UBL3: variants seen among roughly 807,000 people sequenced by gnomAD.
The protein encoded by UBL3 is ubiquitin like 3.
UBL3 carries 6 observed loss-of-function variants against 18.4 expected under a neutral mutation model. That is an observed-to-expected ratio of 0.33 (90% CI 0.18 to 0.64). The LOEUF (loss-of-function observed/expected upper bound fraction) is 0.64, where lower values mean the gene tolerates loss of function less well. Ranked by LOEUF, UBL3 falls within the 30% of genes least tolerant of loss-of-function variation. The pLI, the probability that UBL3 is intolerant of heterozygous loss-of-function variation, is 0.76. For missense variants in UBL3, 109 were observed against 142.9 expected (o/e 0.76, Z 1.21); for synonymous variants, 49 against 46.6 (o/e 1.05, Z -0.21).
At chr13:29,767,749 A>G (rs1246301746) in intron 3 of UBL3, 54 bp from the exon 4 acceptor site, 10 of 1,491,586 alleles carry the variant, frequency 6.7e-6, no homozygotes, top group Non-Finnish European at 9.2e-6. Flanking sequence ...TATTAAAATC[A>G]CTATCCAGAT....
intron 1 of UBL3, among the ~76,000 whole-genome samples, chr13:29,839,090 C>T (rs1266336880): frequency 6.6e-6 from 1 of 152,128 alleles, no homozygotes; most frequent in Admixed American, 6.6e-5. Flanking sequence ...ACAGACAAAT[C>T]CTCACATATT....
chr13:29,810,970 C>T (rs1376774349), intron 1 of UBL3, among the ~76,000 whole-genome samples: 4 of 152,030 alleles, frequency 2.6e-5, no homozygotes, highest in Admixed American at 2.0e-4. Flanking sequence ...TATGTATAGA[C>T]CCTTGACATC....
intron 1 of UBL3, among the ~76,000 whole-genome samples, chr13:29,799,539 G>T (rs1190756615): frequency 6.6e-6 from 1 of 152,094 alleles, no homozygotes; most frequent in Non-Finnish European, 1.5e-5. Context: ...TATTTTCTTT[G>T]CTCCCATACA....
chr13:29,783,441 G>A (rs17073884), intron 1 of UBL3, among the ~76,000 whole-genome samples: 6,294 of 152,230 alleles, frequency 0.041, 433 homozygotes, highest in African/African-American at 0.14. Context: ...CAGTATGCTT[G>A]TCAAGTATAC....
At chr13:29,781,037 T>C (rs961366217) in intron 1 of UBL3, among the ~76,000 whole-genome samples, 4 of 151,984 alleles carry the variant, frequency 2.6e-5, no homozygotes, top group Non-Finnish European at 4.4e-5. Context: ...TAGCAGAGCA[T>C]GGTGATGCGC....
intron 1 of UBL3, among the ~76,000 whole-genome samples, chr13:29,836,692 A>C (rs1479748643): frequency 1.3e-5 from 2 of 152,056 alleles, no homozygotes; most frequent in Non-Finnish European, 2.9e-5. Context: ...TGGGCTGGGA[A>C]GACACAAAAA....
At chr13:29,784,837 A>G (rs1199542612) in intron 1 of UBL3, among the ~76,000 whole-genome samples, 1 of 17,384 alleles carries the variant, frequency 5.8e-5, no homozygotes, top group Non-Finnish European at 1.7e-4. Context: ...ACATACACAC[A>G]TGCACACACA....
At chr13:29,805,465 T>C (rs1877876969) in intron 1 of UBL3, among the ~76,000 whole-genome samples, 1 of 152,236 alleles carries the variant, frequency 6.6e-6, no homozygotes, top group Non-Finnish European at 1.5e-5. Context: ...TCCTCTGGGA[T>C]GAAAGCATGG....
intron 1 of UBL3, among the ~76,000 whole-genome samples, chr13:29,825,663 C>CT (rs1171306418): frequency 1.3e-5 from 2 of 152,296 alleles, no homozygotes; most frequent in East Asian, 1.9e-4. Context: ...GACAATTTAA[C>CT]TTCTTTTCCT....
At chr13:29,769,396 A>C (rs954908680) in intron 3 of UBL3, among the ~76,000 whole-genome samples, 13 of 152,094 alleles carry the variant, frequency 8.5e-5, no homozygotes, top group Non-Finnish European at 1.5e-5. Context: ...GGAATACCAG[A>C]ATCTAAAATG....
chr13:29,833,086 C>A (rs1161700665), intron 1 of UBL3, among the ~76,000 whole-genome samples: 1 of 152,164 alleles, frequency 6.6e-6, no homozygotes, highest in East Asian at 1.9e-4. Flanking sequence ...GGCTGGAATG[C>A]GGCCCAACTG....
chr13:29,835,137 T>A (rs1402810426), intron 1 of UBL3, among the ~76,000 whole-genome samples: 81 of 7,700 alleles, frequency 0.011, no homozygotes, highest in Non-Finnish European at 0.014. Flanking sequence ...TATATATATA[T>A]ATATATATAT....
chr13:29,802,518 T>C (rs1190196817), intron 1 of UBL3, among the ~76,000 whole-genome samples: 1 of 152,178 alleles, frequency 6.6e-6, no homozygotes, highest in Non-Finnish European at 1.5e-5. Context: ...ATGAAGATCA[T>C]CAAGGTTCAG....
At chr13:29,808,349 A>G (rs1335657486) in intron 1 of UBL3, among the ~76,000 whole-genome samples, 1 of 152,036 alleles carries the variant, frequency 6.6e-6, no homozygotes, top group East Asian at 1.9e-4. Context: ...ATTAATTACA[A>G]AATTTCAAAA....
At chr13:29,779,134 C>T in intron 1 of UBL3, 5 of 414,796 alleles carry the variant, frequency 1.2e-5, no homozygotes, top group Non-Finnish European at 2.3e-5. Context: ...AATGATTACA[C>T]TCTACGAAAG....
At chr13:29,772,271 A>C in intron 2 of UBL3, 73 bp from the exon 3 acceptor site, 1 of 1,276,712 alleles carries the variant, frequency 7.8e-7, no homozygotes. Context: ...TGTTTTAAAA[A>C]TTCAGATCCA....
At position 29,780,615 on chromosome 13, in the gene UBL3, C is replaced by G. The variant is rs1284916748; in HGVS notation, c.28-3352G>C. Among the ~76,000 whole-genome samples, 5 of 151,860 alleles carry G rather than the reference C, an allele frequency of 3.3e-5. No homozygotes were observed. In the East Asian group the frequency reaches 5.8e-4, roughly 18 times the overall value. On this transcript the variant is annotated intron_variant, in intron 1 of 4. Coordinates refer to ENST00000380680, the MANE Select transcript of UBL3 (RefSeq NM_007106.4). ...TATAAATTCCTTTGCTGTGCTATAA[C>G]AGGCTACGAAATATAGAATATTCAT... is the stretch of plus-strand genomic sequence containing the variant.
intron 2 of UBL3, 138 bp downstream of exon 2, chr13:29,777,017 A>T: frequency 1.8e-6 from 1 of 563,662 alleles, no homozygotes; most frequent in Non-Finnish European, 2.9e-6. Flanking sequence ...GGGTACAATG[A>T]TCCTCTAAAT....
chr13:29,799,697 A>G (rs536182854), intron 1 of UBL3, among the ~76,000 whole-genome samples: 1 of 152,300 alleles, frequency 6.6e-6, no homozygotes, highest in Admixed American at 6.5e-5. Context: ...TTTTGGAAGT[A>G]TTTTGAAACC....
Sources: gnomAD v4.1 joint callset for allele counts (sites outside exome capture counted in the v4.1 genomes callset) on GRCh38, gnomAD v4.1.1 for gene constraint, MANE v1.5 for transcripts, NCBI Gene and HGNC (gene_info 2026-07-23, HGNC 2026-07-21) for gene names.